PPARD: variants seen among roughly 807,000 people sequenced by gnomAD.
PPARD encodes the protein peroxisome proliferator-activated receptor delta.
In PPARD, 6 loss-of-function variants were observed where a neutral mutation model predicts 39.5. The ratio of observed to expected loss-of-function variants is 0.15; its 90% CI spans 0.08 to 0.30. The LOEUF (loss-of-function observed/expected upper bound fraction) is 0.30, where lower values mean the gene tolerates loss of function less well. PPARD is among the 10% of genes least tolerant of loss of function. The probability of loss-of-function intolerance (pLI) is 1.00; values close to 1 mark genes in which losing one functional copy is unlikely to be tolerated. For synonymous variants in PPARD, 210 were observed against 231.3 expected, an observed-to-expected ratio of 0.91 and a Z score of 0.83; for missense variants, 397 against 596.8, an observed-to-expected ratio of 0.67 and a Z score of 3.49.
intron 2 of PPARD, among the ~76,000 whole-genome samples, chr6:35,347,977 G>T (rs561242048): frequency 1.3e-5 from 2 of 148,814 alleles, no homozygotes; most frequent in Non-Finnish European, 3.0e-5. Context: ...CCGTGATCTC[G>T]GCTCACTGCA....
In PPARD at chr6:35,390,408, C is replaced by T. The variant is rs571191776; in HGVS notation, c.-101-20579C>T. 2.8e-3 allele frequency among the ~76,000 whole-genome samples: 432 copies of T among 152,268 alleles called. 2 individuals are homozygous for T. Among genetic ancestry groups the T allele is most frequent in the Non-Finnish European group, 4.9e-3 (332 of 68,020 alleles). Reference sequence around the variant, plus strand: ...AATGATATTTTATTTGAGTGGGGCTCTCTGGCTGGAGCTACTAGGTGGAAT... The same window carrying T: ...AATGATATTTTATTTGAGTGGGGCTTTCTGGCTGGAGCTACTAGGTGGAAT... On this transcript the variant is annotated intron_variant, in intron 2 of 7. Coordinates refer to ENST00000360694, the MANE Select transcript of PPARD (RefSeq NM_006238.5).
intron 2 of PPARD, among the ~76,000 whole-genome samples, chr6:35,360,716 G>A (rs1761883427): frequency 6.6e-6 from 1 of 152,238 alleles, no homozygotes. Context: ...GCCTAAGCTA[G>A]CAGGACTCAC....
At chr6:35,399,538 AAACCC>A (rs770686400) in intron 2 of PPARD, among the ~76,000 whole-genome samples, 320 of 151,992 alleles carry the variant, frequency 2.1e-3, no homozygotes, top group Non-Finnish European at 2.9e-3. Flanking sequence ...AACATGGTGA[AAACCC>A]ATCTCTACTA....
chr6:35,395,355 G>A (rs1440770664), intron 2 of PPARD, among the ~76,000 whole-genome samples: 3 of 152,184 alleles, frequency 2.0e-5, no homozygotes, highest in Admixed American at 2.0e-4. Context: ...ATGTAAAGGG[G>A]CCCCCTTCTA....
intron 2 of PPARD, among the ~76,000 whole-genome samples, chr6:35,350,719 G>A (rs983891159): frequency 2.8e-5 from 4 of 140,844 alleles, no homozygotes; most frequent in African/African-American, 5.4e-5. Context: ...TCTGCCTCCC[G>A]TGTTCGAGCA....
intron 2 of PPARD, among the ~76,000 whole-genome samples, chr6:35,396,785 G>A (rs1764354346): frequency 6.6e-6 from 1 of 152,102 alleles, no homozygotes; most frequent in Middle Eastern, 3.4e-3. Flanking sequence ...AGCCGAGATT[G>A]CACCACTGCA....
chr6:35,415,804 T>G (rs62402062), intron 3 of PPARD, among the ~76,000 whole-genome samples: 2 of 105,212 alleles, frequency 1.9e-5, no homozygotes, highest in South Asian at 2.4e-4. Context: ...GTGTGTGTGT[T>G]GAAAGAAAGA....
intron 2 of PPARD, among the ~76,000 whole-genome samples, chr6:35,372,380 T>C (rs966872556): frequency 1.3e-5 from 2 of 152,186 alleles, no homozygotes; most frequent in African/African-American, 4.8e-5. Flanking sequence ...GGTTTCACCA[T>C]GTTGGCCAGG....
intron 2 of PPARD, among the ~76,000 whole-genome samples, chr6:35,356,264 C>T (rs1224954092): frequency 2.0e-5 from 3 of 152,214 alleles, no homozygotes; most frequent in Non-Finnish European, 2.9e-5. Flanking sequence ...TTGGCACACT[C>T]CTCATCCAAG....
At chr6:35,423,872 T>C (rs1766384008) in intron 5 of PPARD, 74 bp from the exon 6 acceptor site, 4 of 1,491,252 alleles carry the variant, frequency 2.7e-6, no homozygotes, top group Non-Finnish European at 3.7e-6. Flanking sequence ...CCCATGCACC[T>C]GTAAAGGGAT....
intron 2 of PPARD, among the ~76,000 whole-genome samples, chr6:35,395,275 G>A (rs1254866564): frequency 2.6e-5 from 4 of 152,122 alleles, no homozygotes; most frequent in Admixed American, 6.5e-5. Flanking sequence ...GAACAGAATC[G>A]GGCTTAGAAA....
chr6:35,413,373 G>C (rs551320542), intron 3 of PPARD, among the ~76,000 whole-genome samples: 6 of 152,214 alleles, frequency 3.9e-5, no homozygotes, highest in Non-Finnish European at 7.3e-5. Context: ...AGTGGAGATA[G>C]ACTTCCTTGT....
At chr6:35,419,150 TG>T (rs1418148779) in intron 3 of PPARD, among the ~76,000 whole-genome samples, 1 of 152,176 alleles carries the variant, frequency 6.6e-6, no homozygotes, top group East Asian at 1.9e-4. Flanking sequence ...TTTGGAGGTT[TG>T]GCACCTGCTT....
In PPARD at chr6:35,396,076, C is replaced by G. The variant is rs528097237; in HGVS notation, c.-101-14911C>G. Among the ~76,000 whole-genome samples, 5 of 149,498 alleles carry G rather than the reference C, an allele frequency of 3.3e-5. No individual in the cohort carries two copies. In the South Asian group the frequency reaches 1.0e-3, roughly 31 times the overall value. ...ACCCAGCCTTTTCCATTCCCTGCCT[C>G]CCTGTCTCCTTCTTTCTTTCTCCAT... On this transcript the variant is annotated intron_variant, in intron 2 of 7. Transcript: ENST00000360694.
At chr6:35,374,422 C>G (rs1021257840) in intron 2 of PPARD, among the ~76,000 whole-genome samples, 3 of 151,826 alleles carry the variant, frequency 2.0e-5, no homozygotes, top group Non-Finnish European at 4.4e-5. Context: ...CTTTGGGAGG[C>G]CGAGGCGGGC....
intron 2 of PPARD, among the ~76,000 whole-genome samples, chr6:35,350,898 A>G (rs937461445): frequency 1.2e-4 from 19 of 152,240 alleles, no homozygotes; most frequent in Middle Eastern, 6.8e-3. Context: ...AAGTGCTGGG[A>G]TTACAGGCAT....
intron 2 of PPARD, among the ~76,000 whole-genome samples, chr6:35,397,997 C>T (rs1039127668): frequency 2.0e-5 from 3 of 152,188 alleles, no homozygotes; most frequent in African/African-American, 7.2e-5. Flanking sequence ...CAGGATATGC[C>T]TGCTGTGTCG....
intron 2 of PPARD, among the ~76,000 whole-genome samples, chr6:35,375,197 TTC>T (rs1181086162): frequency 6.6e-6 from 1 of 151,426 alleles, no homozygotes; most frequent in Non-Finnish European, 1.5e-5. Context: ...TTGCCTATTT[TTC>T]TCCTTCCGAG....
At chr6:35,368,649 C>G (rs1023232783) in intron 2 of PPARD, among the ~76,000 whole-genome samples, 1 of 152,184 alleles carries the variant, frequency 6.6e-6, no homozygotes, top group Non-Finnish European at 1.5e-5. Flanking sequence ...CCTTTGAAGT[C>G]ACTGATCAGA....
Sources: allele counts gnomAD v4.1 joint callset (sites outside exome capture counted in the v4.1 genomes callset), GRCh38; gene constraint gnomAD v4.1.1; transcripts MANE v1.5; gene names NCBI Gene and HGNC (gene_info 2026-07-23, HGNC 2026-07-21).